The following SNX27 variants were observed in gnomAD, a reference collection of about 807,000 sequenced individuals.
SNX27 encodes the protein sorting nexin-27.
SNX27 carries 22 observed loss-of-function variants against 71.6 expected under a neutral mutation model. That is an observed-to-expected ratio of 0.31 (90% CI 0.22 to 0.44). The LOEUF (loss-of-function observed/expected upper bound fraction) is 0.44. SNX27 is among the 20% of genes least tolerant of loss of function. The pLI, the probability that SNX27 is intolerant of heterozygous loss-of-function variation, is 1.00. For missense variants in SNX27, 531 were observed against 698.6 expected, an observed-to-expected ratio of 0.76 and a Z score of 2.70; for synonymous variants, 269 against 277.2, an observed-to-expected ratio of 0.97 and a Z score of 0.29.
chr1:151,692,814 C>A, intron 9 of SNX27, 97 bp from the exon 10 acceptor site: 3 of 1,523,042 alleles, frequency 2.0e-6, no homozygotes, highest in Non-Finnish European at 2.7e-6. Flanking sequence ...GACATCCATT[C>A]ATTTCTCTTC....
At chr1:151,637,266 C>CCT (rs1293815162) in intron 1 of SNX27, among the ~76,000 whole-genome samples, 3 of 150,690 alleles carry the variant, frequency 2.0e-5, no homozygotes, top group African/African-American at 4.9e-5. Flanking sequence ...GCAAGCTCCG[C>CCT]CTGCCGGGTT....
chr1:151,650,401 C>T (rs1290348066), intron 2 of SNX27, among the ~76,000 whole-genome samples: 1 of 151,976 alleles, frequency 6.6e-6, no homozygotes, highest in Non-Finnish European at 1.5e-5. Flanking sequence ...CTTATTTGTC[C>T]TGCTTGAGGA....
chr1:151,692,432 T>TTTTTAAAAAA lies in SNX27; in HGVS notation c.1240-3_1240-2insTTTTAAAAAA. On this transcript the variant is annotated splice_polypyrimidine_tract_variant and splice_region_variant and intron_variant, in intron 8 of 11. Transcript: ENST00000458013. Reference sequence around the variant, plus strand: ...TTTTTTTTTTTTTTTTTTTTTTTTTTAGTACCTCAACATGCTAAGGACTTG... The same window carrying TTTTTAAAAAA: ...TTTTTTTTTTTTTTTTTTTTTTTTTTTTTTAAAAAAAGTACCTCAACATGCTAAGGACTTG... The TTTTTAAAAAA allele has an allele frequency of 1.4e-6, 2 of 1,452,072 alleles. No individual in the cohort carries two copies. Among genetic ancestry groups the TTTTTAAAAAA allele is most frequent in the Non-Finnish European group, 1.8e-6 (2 of 1,101,930 alleles). 89.9% of individuals were successfully genotyped at this position (1,452,072 alleles called of 1,614,324 possible).
rs749870596 is a variant in SNX27 at position 151,662,262 on chromosome 1, G to A, written c.898G>A (p.Val300Ile). ...TAAAAAGAACAGTACTACAGACCAA[G>A]TATATCAGGTAAATTAAATGAACAC... ...RVKKNSTTDQ[V>I]YQAIAAKVGM... The change falls in exon 5 of 12, where the codon GTA (valine) becomes ATA (isoleucine). Residue 300 changes from valine to isoleucine, a missense_variant. Physicochemically the swap from Val to Ile is conservative, Grantham distance 29. This residue lies in a region of SNX27 where 184 missense variants were observed against 289.6 expected (regional missense o/e 0.64). Coordinates refer to ENST00000458013, the MANE Select transcript of SNX27 (RefSeq NM_001330723.2). 1.7e-5 allele frequency: 27 copies of A among 1,603,190 alleles called. No individual in the cohort carries two copies. The highest frequency in any genetic ancestry group is 1.3e-5 in the African/African-American group (1 of 74,622).
At position 151,665,523 on chromosome 1, in the gene SNX27, G is replaced by A. The variant is rs114678110; in HGVS notation, c.907-410G>A. Among the ~76,000 whole-genome samples the A allele has an allele frequency of 5.6e-3, 851 of 152,296 alleles. 7 individuals carry two copies. Among genetic ancestry groups the A allele is most frequent in the African/African-American group, 0.02 (816 of 41,566 alleles). On this transcript the variant is annotated intron_variant, in intron 5 of 11. Coordinates refer to ENST00000458013, the MANE Select transcript of SNX27 (RefSeq NM_001330723.2). ...TTAATGTATTAAATGTAGGCTGAAT[G>A]TGTGAAACTGGATATTTAAGAATTT...
rs71093207 is a variant in SNX27, at chr1:151,692,432, T to TC, written c.1240-3_1240-2insC. On this transcript the variant is annotated splice_polypyrimidine_tract_variant and splice_region_variant and intron_variant, in intron 8 of 11. Coordinates refer to ENST00000458013, the MANE Select transcript of SNX27 (RefSeq NM_001330723.2). ...TTTTTTTTTTTTTTTTTTTTTTTTTTAGTACCTCAACATGCTAAGGACTTG... is the reference window on the plus strand; with the variant it reads ...TTTTTTTTTTTTTTTTTTTTTTTTTTCAGTACCTCAACATGCTAAGGACTTG... 1.4e-6 allele frequency: 2 copies of TC among 1,452,150 alleles called. No individual in the cohort carries two copies. The highest frequency in any genetic ancestry group is 1.8e-6 in the Non-Finnish European group (2 of 1,102,026). 90.0% of individuals were successfully genotyped at this position (1,452,150 alleles called of 1,614,324 possible).
intron 1 of SNX27, among the ~76,000 whole-genome samples, chr1:151,622,375 G>A (rs749458072): frequency 3.3e-5 from 5 of 152,068 alleles, no homozygotes; most frequent in Admixed American, 1.3e-4. Context: ...GGTTCAGGTT[G>A]CGGCCCCAGA....
chr1:151,684,603 T>G (rs1159130712), intron 8 of SNX27, among the ~76,000 whole-genome samples: 1 of 152,228 alleles, frequency 6.6e-6, no homozygotes, highest in South Asian at 2.1e-4. Flanking sequence ...GTTTTTTCAA[T>G]TATACATGCT....
At chr1:151,622,945 C>T (rs1395252943) in intron 1 of SNX27, among the ~76,000 whole-genome samples, 2 of 151,620 alleles carry the variant, frequency 1.3e-5, no homozygotes, top group African/African-American at 4.8e-5. Flanking sequence ...TGTACTACAC[C>T]TGGCTAGTTT....
chr1:151,620,305 A>G (rs181859718), intron 1 of SNX27, among the ~76,000 whole-genome samples: 1 of 152,312 alleles, frequency 6.6e-6, no homozygotes, highest in Non-Finnish European at 1.5e-5. Flanking sequence ...ACTTCCTGTG[A>G]ATTCAGTTTT....
At chr1:151,664,262 T>C (rs1229914320) in intron 5 of SNX27, among the ~76,000 whole-genome samples, 1 of 122,004 alleles carries the variant, frequency 8.2e-6, no homozygotes, top group Non-Finnish European at 1.9e-5. Context: ...AATAATTTAG[T>C]CTCAGGTTTT....
At chr1:151,668,208 A>C (rs570297473) in intron 6 of SNX27, among the ~76,000 whole-genome samples, 7 of 152,320 alleles carry the variant, frequency 4.6e-5, no homozygotes, top group Non-Finnish European at 1.5e-5. Context: ...GCGGGGTGAC[A>C]AATATCCAAA....
At chr1:151,658,979 G>T (rs915426583) in intron 3 of SNX27, among the ~76,000 whole-genome samples, 1 of 152,116 alleles carries the variant, frequency 6.6e-6, no homozygotes, top group African/African-American at 2.4e-5. Context: ...TATTTTTAGG[G>T]TTATATTATC....
Position 151,636,083 on chromosome 1 carries a change from G to T in SNX27, c.312-2805G>T, listed in dbSNP as rs1031954475. On this transcript the variant is annotated intron_variant, in intron 1 of 11. Transcript: ENST00000458013. ...CTAGGGAAACTCCCCAGAAAAAAAC[G>T]CATAATAGGCACATAAAAAGAATTT... Among the ~76,000 whole-genome samples, 3 of 152,108 alleles carry T rather than the reference G, an allele frequency of 2.0e-5. 1 individual carries two copies. The East Asian group carries it at 5.8e-4, about 29-fold the overall frequency.
chr1:151,664,176 T>C (rs890772128), intron 5 of SNX27, among the ~76,000 whole-genome samples: 15 of 128,966 alleles, frequency 1.2e-4, no homozygotes, highest in African/African-American at 4.3e-4. Context: ...TTATATAATA[T>C]ACTAAATAAT....
At chr1:151,636,483 C>G (rs4845422) in intron 1 of SNX27, among the ~76,000 whole-genome samples, 1 of 151,708 alleles carries the variant, frequency 6.6e-6, no homozygotes, top group Non-Finnish European at 1.5e-5. Flanking sequence ...TGGTATATTT[C>G]GTATAGAGAC....
At chr1:151,621,000 C>T (rs1021609030) in intron 1 of SNX27, among the ~76,000 whole-genome samples, 11 of 152,076 alleles carry the variant, frequency 7.2e-5, no homozygotes, top group African/African-American at 2.7e-4. Flanking sequence ...GAAGATGCTT[C>T]TTTTAATTTA....
chr1:151,654,226 C>G (rs1467974619), intron 2 of SNX27, among the ~76,000 whole-genome samples: 3 of 152,180 alleles, frequency 2.0e-5, no homozygotes, highest in African/African-American at 7.2e-5. Flanking sequence ...CATTCTTACC[C>G]CTCTGCTACT....
intron 2 of SNX27, among the ~76,000 whole-genome samples, chr1:151,653,232 T>TTG (rs1558055109): frequency 3.3e-5 from 5 of 152,044 alleles, no homozygotes; most frequent in Non-Finnish European, 7.3e-5. Context: ...AGCCTTTTTT[T>TTG]TTGTTGTTGT....
Sources: gnomAD v4.1 joint callset for allele counts (sites outside exome capture counted in the v4.1 genomes callset) on GRCh38, gnomAD v4.1.1 for gene constraint, gnomAD v4.1.1 regional missense constraint, MANE v1.5 for transcripts, NCBI Gene and HGNC (gene_info 2026-07-23, HGNC 2026-07-21) for gene names.